TRHDE: variants seen among roughly 807,000 people sequenced by gnomAD.
The protein encoded by TRHDE is thyrotropin releasing hormone degrading enzyme.
In TRHDE, 72 loss-of-function variants were observed where a neutral mutation model predicts 125.7. That is an observed-to-expected ratio of 0.57 (90% CI 0.47 to 0.70). The LOEUF is 0.70. TRHDE is among the 30% of genes least tolerant of loss of function. The pLI is 0.00. For missense variants in TRHDE, 1,110 were observed against 1,327.1 expected, an observed-to-expected ratio of 0.84 and a Z score of 2.54; for synonymous variants, 509 against 509.1, an observed-to-expected ratio of 1.00 and a Z score of 0.00.
chr12:72,199,347 C>T (rs1877509171), intron 2 of TRHDE, among the ~76,000 whole-genome samples: 1 of 152,112 alleles, frequency 6.6e-6, no homozygotes. Flanking sequence ...GCTCTAACTT[C>T]CTGTAATTAT....
chr12:72,414,192 T>C (rs1019218988), intron 3 of TRHDE, among the ~76,000 whole-genome samples: 1 of 152,090 alleles, frequency 6.6e-6, no homozygotes, highest in African/African-American at 2.4e-5. Flanking sequence ...AAAAAATATT[T>C]GTATGACCGG....
intron 4 of TRHDE, 86 bp downstream of exon 4, chr12:72,469,998 T>G (rs762797100): frequency 1.7e-5 from 24 of 1,371,438 alleles, no homozygotes; most frequent in Non-Finnish European, 2.4e-5. Flanking sequence ...TAAATTATTA[T>G]CCTCCCAAAG....
At chr12:72,378,512 G>A (rs1364309803) in intron 3 of TRHDE, among the ~76,000 whole-genome samples, 1 of 152,110 alleles carries the variant, frequency 6.6e-6, no homozygotes, top group Non-Finnish European at 1.5e-5. Context: ...CCATTCATCT[G>A]GACAGCCAGT....
At chr12:72,287,428 G>A (rs1188684447) in intron 2 of TRHDE, among the ~76,000 whole-genome samples, 2 of 152,136 alleles carry the variant, frequency 1.3e-5, no homozygotes, top group Non-Finnish European at 2.9e-5. Flanking sequence ...TGCTGAGAAA[G>A]TAAAACATAG....
intron 4 of TRHDE, among the ~76,000 whole-genome samples, 167 bp downstream of exon 4, chr12:72,470,079 AT>A (rs1320854170): frequency 6.6e-6 from 1 of 152,228 alleles, no homozygotes; most frequent in South Asian, 2.1e-4. Flanking sequence ...CAATCATAGA[AT>A]AAACAAAAAC....
chr12:72,489,141 A>G (rs1293974380), intron 5 of TRHDE, among the ~76,000 whole-genome samples: 1 of 151,752 alleles, frequency 6.6e-6, no homozygotes. Context: ...GAAAAGAAAT[A>G]ATAGAAATCA....
intron 3 of TRHDE, among the ~76,000 whole-genome samples, chr12:72,450,737 G>T (rs1875530110): frequency 6.6e-6 from 1 of 152,112 alleles, no homozygotes; most frequent in Non-Finnish European, 1.5e-5. Context: ...CATAATGGCT[G>T]TAATAATTTA....
chr12:72,657,707 T>A (rs925566994), intron 18 of TRHDE, among the ~76,000 whole-genome samples: 10 of 152,136 alleles, frequency 6.6e-5, no homozygotes, highest in African/African-American at 2.4e-4. Context: ...TAGTTTTGTT[T>A]GTTTGTTTTG....
intron 2 of TRHDE, among the ~76,000 whole-genome samples, chr12:72,334,610 C>G (rs1869748848): frequency 6.6e-6 from 1 of 152,210 alleles, no homozygotes; most frequent in African/African-American, 2.4e-5. Context: ...TTTCGCCTGG[C>G]AAATGCCCTT....
intron 16 of TRHDE, 47 bp from the exon 17 acceptor site, chr12:72,652,969 G>A: frequency 1.3e-6 from 2 of 1,515,642 alleles, no homozygotes; most frequent in African/African-American, 1.4e-5. Context: ...TTATAAAAAT[G>A]TTTAAGTTAT....
intron 1 of TRHDE, among the ~76,000 whole-genome samples, chr12:72,282,656 T>G (rs2139422343): frequency 6.6e-6 from 1 of 152,330 alleles, no homozygotes; most frequent in South Asian, 2.1e-4. Flanking sequence ...GGGCACAAAC[T>G]TAATATGTGA....
chr12:72,487,077 G>C lies in TRHDE; in HGVS notation c.1585-12421G>C, dbSNP rs573689964. On this transcript the variant is annotated intron_variant, in intron 5 of 18. Coordinates refer to ENST00000261180, the MANE Select transcript of TRHDE (RefSeq NM_013381.3). ...AAAAGAAGGAAGAATCTTGAAGATA[G>C]GTCTTTTGAAATGATTGTCAGAATT... Among the ~76,000 whole-genome samples, 17 of 151,964 alleles carry C rather than the reference G, an allele frequency of 1.1e-4. No individual in the cohort carries two copies. The South Asian group carries it at 3.5e-3, about 32-fold the overall frequency.
intron 12 of TRHDE, among the ~76,000 whole-genome samples, chr12:72,599,496 T>A (rs1872119752): frequency 6.6e-6 from 1 of 152,168 alleles, no homozygotes; most frequent in Non-Finnish European, 1.5e-5. Flanking sequence ...TTTTCATGTT[T>A]CTTGGCTACT....
chr12:72,138,799 C>T (rs1876047122), intron 2 of TRHDE, among the ~76,000 whole-genome samples: 1 of 152,204 alleles, frequency 6.6e-6, no homozygotes. Flanking sequence ...CTCATCAGTG[C>T]CCTGACATTG....
intron 7 of TRHDE, among the ~76,000 whole-genome samples, chr12:72,543,842 T>C (rs1385532998): frequency 6.9e-6 from 1 of 144,460 alleles, no homozygotes; most frequent in East Asian, 2.0e-4. Context: ...TGAACGTTTT[T>C]GTTCATCCTG....
Position 72,286,748 on chromosome 12 carries a change from A to G in TRHDE, c.982A>G (p.Ile328Val), listed in dbSNP as rs756760931. 2 of 1,613,694 alleles carry G rather than the reference A, an allele frequency of 1.2e-6. No individual in the cohort carries two copies. The highest frequency in any genetic ancestry group is 8.5e-7 in the Non-Finnish European group (1 of 1,179,920). Reference protein sequence around the residue: ...RKAFPCFDEPIYKATFKISIK... With the variant: ...RKAFPCFDEPVYKATFKISIK... The stretch of plus-strand genomic sequence containing the variant: ...GGCATTTCCTTGTTTTGATGAGCCA[A>G]TCTACAAGGCTACTTTCAAAATCAG... Residue 328 changes from isoleucine (I) to valine (V), a missense_variant, in exon 2 of 19, where the codon ATC becomes GTC. Ile to Val is a conservative substitution (Grantham distance 29, BLOSUM62 3). Around this residue, in one of 5 missense-constraint regions of TRHDE, gnomAD observed 252 missense variants for 274.8 expected, o/e 0.92. Coordinates refer to ENST00000261180, the MANE Select transcript of TRHDE (RefSeq NM_013381.3).
At chr12:72,571,974 A>AACACACACACACACACAC (rs59206098) in intron 10 of TRHDE, among the ~76,000 whole-genome samples, 2,471 of 127,462 alleles carry the variant, frequency 0.019, 88 homozygotes, top group South Asian at 0.032. Context: ...TGACTCTGCA[A>AACACACACACACACACAC]ACACACACAC....
intron 2 of TRHDE, among the ~76,000 whole-genome samples, chr12:72,127,471 G>A (rs118002398): frequency 0.017 from 2,564 of 152,322 alleles, 36 homozygotes; most frequent in South Asian, 0.041. Flanking sequence ...ATGAAGAAAT[G>A]TGGTACATAC....
chr12:72,602,597 A>G (rs1357413454), intron 12 of TRHDE, among the ~76,000 whole-genome samples: 1 of 152,180 alleles, frequency 6.6e-6, no homozygotes, highest in African/African-American at 2.4e-5. Flanking sequence ...GGGCTGGAGA[A>G]GAAATATATA....
Sources: gnomAD v4.1 joint callset for allele counts (sites outside exome capture counted in the v4.1 genomes callset) on GRCh38, gnomAD v4.1.1 for gene constraint, gnomAD v4.1.1 regional missense constraint, MANE v1.5 for transcripts, NCBI Gene and HGNC (gene_info 2026-07-23, HGNC 2026-07-21) for gene names.